The following EEF1B2 variants were observed in gnomAD, a reference collection of about 807,000 sequenced individuals.
EEF1B2 encodes the protein elongation factor 1-beta.
EEF1B2 carries 12 observed loss-of-function variants against 28.3 expected under a neutral mutation model. That is an observed-to-expected ratio of 0.42 (90% CI 0.27 to 0.69). The LOEUF is 0.69. Among genes scored for constraint, EEF1B2 ranks in the 30% least tolerant of loss-of-function variants. The pLI, the probability that EEF1B2 is intolerant of heterozygous loss-of-function variation, is 0.22. For missense variants in EEF1B2, 234 were observed against 272.6 expected (o/e 0.86, Z 1.00); for synonymous variants, 83 against 99.9 (o/e 0.83, Z 1.01).
chr2:206,160,004 C>G lies in EEF1B2; in HGVS notation c.25C>G (p.Pro9Ala). MGFGDLKS[P>A]AGLQVLNDYL... ...CATGGGTTTCGGAGACCTGAAAAGC[C>G]CTGCCGGCCTCCAGGTGCTCAACGA... The change falls in exon 1 of 6, where the codon CCT becomes GCT. Residue 9 changes from proline to alanine, a missense_variant. Physicochemically the swap from Pro to Ala is conservative, Grantham distance 27. Transcript: ENST00000392222. The G allele has an allele frequency of 6.2e-7, 1 of 1,613,258 alleles. No homozygotes were observed. Among genetic ancestry groups the G allele is most frequent in the East Asian group, 2.2e-5 (1 of 44,792 alleles).
chr2:206,160,115 G>A, intron 1 of EEF1B2, 56 bp downstream of exon 1: 1 of 1,582,828 alleles, frequency 6.3e-7, no homozygotes, highest in Non-Finnish European at 8.6e-7. Flanking sequence ...CGGGGCCGGG[G>A]CCACGTGGCG....
chr2:206,162,905 T>A lies in EEF1B2; in HGVS notation c.*22T>A. 1.9e-6 allele frequency: 3 copies of A among 1,587,798 alleles called. No homozygotes were observed. The highest frequency in any genetic ancestry group is 2.6e-6 in the Non-Finnish European group (3 of 1,175,152). On this transcript the variant is annotated 3_prime_UTR_variant, in exon 6 of 6. Transcript: ENST00000392222. Reference sequence around the variant, plus strand: ...CTAAAATCCATCCTGGATCATGGCATTTAAATAAAAGATTGAAAGATTACC... The same window carrying A: ...CTAAAATCCATCCTGGATCATGGCAATTAAATAAAAGATTGAAAGATTACC...
chr2:206,162,090 C>T lies in EEF1B2; in HGVS notation c.383C>T (p.Ser128Leu). ...LREERLAQYE[S>L]KKAKKPALVA... ...GAAGAACGTCTTGCACAATATGAAT[C>T]AAAGAAAGCCAAAAGTAGGTCATTT... The change falls in exon 4 of 6, where the codon TCA becomes TTA. Residue 128 changes from serine (S) to leucine (L), a missense_variant. Physicochemically the swap from Ser to Leu is moderately radical, Grantham distance 145. This residue lies in a region of EEF1B2 where 178 missense variants were observed against 173.3 expected (regional missense o/e 1.03). Transcript: ENST00000392222. 1.2e-6 allele frequency: 2 copies of T among 1,613,888 alleles called. No individual in the cohort carries two copies. The highest frequency in any genetic ancestry group is 1.7e-6 in the Non-Finnish European group (2 of 1,179,912).
At chr2:206,159,853 C>G, upstream of EEF1B2, 1 of 1,055,378 alleles carries the variant, frequency 9.5e-7, no homozygotes, top group South Asian at 1.7e-5. Flanking sequence ...TGGAGGGAAA[C>G]GCCTCCGTCT....
chr2:206,161,821 C>G, intron 3 of EEF1B2: 1 of 730,458 alleles, frequency 1.4e-6, no homozygotes, highest in Non-Finnish European at 2.5e-6. Context: ...TGTGGTTAAG[C>G]CAAATTGCCT....
At position 206,160,671 on chromosome 2, in the gene EEF1B2, GGTATAATC is replaced by G; in HGVS notation, c.165_172del (p.Trp55Ter). 6.2e-7 allele frequency: 1 copy of G among 1,613,992 alleles called. No homozygotes were observed. The highest frequency in any genetic ancestry group is 8.5e-7 in the Non-Finnish European group (1 of 1,180,028). On this transcript the variant is annotated stop_gained and frameshift_variant, in exon 2 of 6. Transcript: ENST00000392222. LOFTEE classifies it high-confidence loss of function. The stretch of plus-strand genomic sequence containing the variant: ...GCCGACTTGTGTCATGCCCTACGTT[GGTATAATC>G]ACATCAAGTCTTACGAAAAGGAAAA...
chr2:206,160,479 C>T, intron 1 of EEF1B2, 109 bp from the exon 2 acceptor site: 1 of 1,573,388 alleles, frequency 6.4e-7, no homozygotes, highest in Non-Finnish European at 8.6e-7. Context: ...TAAAGCAACC[C>T]TGCTGGGGTT....
intron 2 of EEF1B2, 164 bp downstream of exon 2, chr2:206,160,874 T>G: frequency 9.4e-7 from 1 of 1,064,716 alleles, no homozygotes; most frequent in Non-Finnish European, 1.4e-6. Flanking sequence ...CCCTCCATTT[T>G]TTCACAGAAC....
At chr2:206,160,119 C>T in intron 1 of EEF1B2, 60 bp downstream of exon 1, 1 of 1,574,162 alleles carries the variant, frequency 6.4e-7, no homozygotes, top group Non-Finnish European at 8.6e-7. Context: ...GCCGGGGCCA[C>T]GTGGCGCAGC....
At chr2:206,160,301 C>G (rs1687875402) in intron 1 of EEF1B2, among the ~76,000 whole-genome samples, 1 of 152,194 alleles carries the variant, frequency 6.6e-6, no homozygotes, top group African/African-American at 2.4e-5. Context: ...CTTAATTCAG[C>G]CAGGTGTTTC....
At chr2:206,161,155 C>T (rs1221576698) in intron 2 of EEF1B2, 191 bp from the exon 3 acceptor site, 5 of 669,812 alleles carry the variant, frequency 7.5e-6, no homozygotes, top group East Asian at 2.8e-5. Flanking sequence ...AATAATGTCT[C>T]ACATGGTACT....
Position 206,160,595 on chromosome 2 carries a change from C to T in EEF1B2, c.88C>T (p.Pro30Ser). The stretch of plus-strand genomic sequence containing the variant: ...TTTCTGTGTCCTTGGCAGGTATGTG[C>T]CATCACAAGCAGATGTGGCAGTATT... ...ADKSYIEGYV[P>S]SQADVAVFEA... The change falls in exon 2 of 6, where the codon CCA (proline) becomes TCA (serine). Residue 30 changes from proline to serine, a missense_variant. Pro to Ser is a moderately conservative substitution (Grantham distance 74, BLOSUM62 -1). Transcript: ENST00000392222. 6.2e-7 allele frequency: 1 copy of T among 1,613,960 alleles called. No individual in the cohort carries two copies. Among genetic ancestry groups the T allele is most frequent in the East Asian group, 2.2e-5 (1 of 44,848 alleles).
At chr2:206,160,408 A>G (rs902017087) in intron 1 of EEF1B2, 180 bp from the exon 2 acceptor site, 1 of 1,112,402 alleles carries the variant, frequency 9.0e-7, no homozygotes, top group Non-Finnish European at 1.3e-6. Context: ...ATTTCTCAGG[A>G]TAGCGCGGTG....
rs753393059 is a variant in EEF1B2 at position 206,162,604 on chromosome 2, C to T, written c.513C>T (p.Val171=). The change falls in exon 5 of 6, where the codon GTC becomes GTT. Residue 171 remains valine, a synonymous_variant. Transcript: ENST00000392222. ...GAAGCATTCAAGCAGACGGCTTAGT[C>T]TGGGGCTCATGTGAGTTTAGGCTTT... is the stretch of plus-strand genomic sequence containing the variant. ...CVRSIQADGL[V]WGSSKLVPVG... The T allele has an allele frequency of 2.5e-6, 4 of 1,611,176 alleles. No individual in the cohort carries two copies. Among genetic ancestry groups the T allele is most frequent in the Non-Finnish European group, 3.4e-6 (4 of 1,179,444 alleles).
Position 206,162,632 on chromosome 2 carries a change from CT to C in EEF1B2, c.523+29del, listed in dbSNP as rs753151319. The C allele has an allele frequency of 0.02, 18,951 of 963,860 alleles. 1 individual carries two copies. The highest frequency in any genetic ancestry group is 0.047 in the South Asian group (2,182 of 46,532). The allele number at this position is 963,860 out of a possible 1,614,324, so 59.7% of individuals were successfully genotyped here. On this transcript the variant is annotated intron_variant, in intron 5 of 5. Coordinates refer to ENST00000392222, the MANE Select transcript of EEF1B2 (RefSeq NM_001959.4). ...GGGCTCATGTGAGTTTAGGCTTTGC[CT>C]TTTTTTTTTTGAAACTAACATCTGG...
chr2:206,159,954 C>T lies in EEF1B2; in HGVS notation c.-26C>T. 1.2e-6 allele frequency: 2 copies of T among 1,608,454 alleles called. No homozygotes were observed. Among genetic ancestry groups the T allele is most frequent in the Non-Finnish European group, 1.7e-6 (2 of 1,178,466 alleles). ...TTTGCGCGCTCTCTTTCTGCTGCTC[C>T]CCAGCTCTCGGATACAGCCGACACC... On this transcript the variant is annotated 5_prime_UTR_variant, in exon 1 of 6. Coordinates refer to ENST00000392222, the MANE Select transcript of EEF1B2 (RefSeq NM_001959.4).
rs1687903216 is a variant in EEF1B2 at position 206,160,808 on chromosome 2, G to A, written c.203+98G>A. 5.0e-6 allele frequency: 8 copies of A among 1,592,582 alleles called. No individual in the cohort carries two copies. In the Admixed American group the frequency reaches 1.0e-4, roughly 20 times the overall value. On this transcript the variant is annotated intron_variant, in intron 2 of 5. Coordinates refer to ENST00000392222, the MANE Select transcript of EEF1B2 (RefSeq NM_001959.4). The stretch of plus-strand genomic sequence containing the variant: ...ACTGGACCCAGGCTACTTTAGTTTT[G>A]TTGGGATATTGTAAGCTAAATTTTT...
rs1315958611 is a variant in EEF1B2 at position 206,161,750 on chromosome 2, C to T, written c.330+278C>T. On this transcript the variant is annotated intron_variant, in intron 3 of 5. Transcript: ENST00000392222. ...GTGCCACTGCATCCAGCCTGGGCGACAGAGCGAGACTCCGTCCCAAAAAAA... is the reference window on the plus strand; with the variant it reads ...GTGCCACTGCATCCAGCCTGGGCGATAGAGCGAGACTCCGTCCCAAAAAAA... 4 of 509,018 alleles carry T rather than the reference C, an allele frequency of 7.9e-6. No individual in the cohort carries two copies. The African/African-American group carries it at 8.5e-5, about 11-fold the overall frequency. 31.5% of individuals were successfully genotyped at this position (509,018 alleles called of 1,614,324 possible). A position where few individuals can be genotyped will look rare whatever the true frequency, so the allele number is the denominator to read the frequency against.
rs889468222 is a variant in EEF1B2 at position 206,160,187 on chromosome 2, G to C, written c.80+128G>C. ...GCCCGGGGCCCTTTCGAGAGGGAGG[G>C]GAAAGCGCCCCGTTGCCGTCTCCCA... On this transcript the variant is annotated intron_variant, in intron 1 of 5. Coordinates refer to ENST00000392222, the MANE Select transcript of EEF1B2 (RefSeq NM_001959.4). The C allele has an allele frequency of 2.4e-6, 3 of 1,229,038 alleles. No homozygotes were observed. The African/African-American group carries it at 4.7e-5, about 19-fold the overall frequency. 76.1% of individuals were successfully genotyped at this position (1,229,038 alleles called of 1,614,324 possible).
Sources: allele counts gnomAD v4.1 joint callset (sites outside exome capture counted in the v4.1 genomes callset), GRCh38; gene constraint gnomAD v4.1.1; regional missense constraint gnomAD v4.1.1; transcripts MANE v1.5; gene names NCBI Gene and HGNC (gene_info 2026-07-23, HGNC 2026-07-21).